The following TTBK2 variants were observed in gnomAD, a reference collection of about 807,000 sequenced individuals.
TTBK2 encodes the protein tau-tubulin kinase 2.
TTBK2 carries 28 observed loss-of-function variants against 110.8 expected under a neutral mutation model. The ratio of observed to expected loss-of-function variants is 0.25; its 90% CI spans 0.19 to 0.35. TTBK2 has a LOEUF of 0.35. TTBK2 is among the 10% of genes least tolerant of loss of function. The pLI is 1.00. For missense variants in TTBK2, 1,369 were observed against 1,500.3 expected, an observed-to-expected ratio of 0.91 and a Z score of 1.45; for synonymous variants, 532 against 527.3, an observed-to-expected ratio of 1.01 and a Z score of -0.12.
At chr15:42,878,414 C>T in intron 2 of TTBK2, 135 bp downstream of exon 2, 1 of 1,502,148 alleles carries the variant, frequency 6.7e-7, no homozygotes, top group Non-Finnish European at 8.9e-7. Context: ...CTGCTTTAGG[C>T]ATATAAGTAA....
Position 42,741,258 on chromosome 15 carries a change from G to T in TTBK2, c.*4537C>A, listed in dbSNP as rs934203162. On this transcript the variant is annotated 3_prime_UTR_variant, in exon 15 of 15. Coordinates refer to ENST00000267890, the MANE Select transcript of TTBK2 (RefSeq NM_173500.4). ...GTAGGATGTCCCAACACCCTCTGAG[G>T]GTTTTCATGCATTAATCCCGCCATA... The T allele has an allele frequency of 6.6e-6, 1 of 152,198 alleles. No individual in the cohort carries two copies. The highest frequency in any genetic ancestry group is 1.5e-5 in the Non-Finnish European group (1 of 68,042). 9.4% of individuals were successfully genotyped at this position (152,198 alleles called of 1,614,324 possible).
At position 42,840,369 on chromosome 15, in the gene TTBK2, C is replaced by T; in HGVS notation, c.282G>A (p.Met94Ile). The T allele has an allele frequency of 6.2e-7, 1 of 1,613,914 alleles. No homozygotes were observed. The highest frequency in any genetic ancestry group is 8.5e-7 in the Non-Finnish European group (1 of 1,179,850). ...TTTCAAGGTAACCTACCTGCAACTG[C>T]ATGACCACATAGTTGAATCGATCAT... ...GRNDRFNYVV[M>I]QLQGRNLADL... Residue 94 changes from methionine to isoleucine, a missense_variant, in exon 4 of 15, where the codon ATG (methionine) becomes ATA (isoleucine). This residue lies in a region of TTBK2 where 122 missense variants were observed against 159.7 expected (regional missense o/e 0.76). Coordinates refer to ENST00000267890, the MANE Select transcript of TTBK2 (RefSeq NM_173500.4).
At chr15:42,861,757 C>A (rs1266797028) in intron 3 of TTBK2, among the ~76,000 whole-genome samples, 2 of 151,578 alleles carry the variant, frequency 1.3e-5, no homozygotes, top group East Asian at 3.9e-4. Flanking sequence ...AAGAATTGAA[C>A]AAAATTGAGA....
chr15:42,802,237 G>A (rs1402034696), intron 9 of TTBK2: 4 of 852,208 alleles, frequency 4.7e-6, no homozygotes, highest in Admixed American at 1.7e-5. Flanking sequence ...GCCTCCACTG[G>A]CCCCACCATA....
intron 3 of TTBK2, among the ~76,000 whole-genome samples, chr15:42,852,923 A>G (rs1313973060): frequency 6.6e-6 from 1 of 152,218 alleles, no homozygotes; most frequent in Non-Finnish European, 1.5e-5. Context: ...AAGGGTAAGG[A>G]TGTATCCCTA....
intron 1 of TTBK2, among the ~76,000 whole-genome samples, chr15:42,897,309 A>G (rs1326347692): frequency 2.0e-5 from 3 of 152,204 alleles, no homozygotes; most frequent in Non-Finnish European, 4.4e-5. Context: ...ATTATGTAAC[A>G]GAGATCTATA....
At chr15:42,860,894 C>A (rs1477875698) in intron 3 of TTBK2, among the ~76,000 whole-genome samples, 1 of 151,974 alleles carries the variant, frequency 6.6e-6, no homozygotes, top group Middle Eastern at 3.2e-3. Flanking sequence ...GGTGATCCAC[C>A]CACCTCAGCC....
intron 4 of TTBK2, among the ~76,000 whole-genome samples, chr15:42,836,077 C>G (rs1273740408): frequency 1.3e-5 from 2 of 151,888 alleles, no homozygotes; most frequent in African/African-American, 4.8e-5. Context: ...TTTGGTTATA[C>G]TAAAGATGCT....
chr15:42,888,095 G>A (rs1223091146), intron 1 of TTBK2, among the ~76,000 whole-genome samples: 4 of 152,066 alleles, frequency 2.6e-5, no homozygotes, highest in Non-Finnish European at 5.9e-5. Flanking sequence ...TGACCTTACT[G>A]TTTTAGCCTA....
At chr15:42,778,140 T>A (rs956317814) in intron 11 of TTBK2, among the ~76,000 whole-genome samples, 2 of 152,120 alleles carry the variant, frequency 1.3e-5, no homozygotes, top group Non-Finnish European at 2.9e-5. Flanking sequence ...GATATTGAAC[T>A]GGTTCCAATA....
chr15:42,894,997 G>A (rs2141173868), intron 1 of TTBK2, among the ~76,000 whole-genome samples: 1 of 152,200 alleles, frequency 6.6e-6, no homozygotes, highest in Admixed American at 6.6e-5. Flanking sequence ...AGAAGCATTT[G>A]ACAAAATTCA....
chr15:42,766,503 CTT>C (rs1158380359), intron 13 of TTBK2, among the ~76,000 whole-genome samples: 1 of 134,518 alleles, frequency 7.4e-6, no homozygotes, highest in African/African-American at 3.0e-5. Context: ...ATAAAACAGA[CTT>C]TAAACCAACA....
intron 13 of TTBK2, among the ~76,000 whole-genome samples, chr15:42,760,107 C>T (rs764138618): frequency 3.9e-5 from 6 of 151,942 alleles, no homozygotes; most frequent in African/African-American, 1.5e-4. Context: ...TTAAATGGGC[C>T]GGGTGTGGTG....
chr15:42,815,952 A>ATATATATATATATATATAT (rs1328435730), intron 7 of TTBK2, among the ~76,000 whole-genome samples: 1 of 33,416 alleles, frequency 3.0e-5, no homozygotes, highest in African/African-American at 2.0e-4. Context: ...ATATATTTAA[A>ATATATATATATATATATAT]AAAAAAATAT....
chr15:42,842,062 A>AATT (rs528492224), intron 3 of TTBK2, among the ~76,000 whole-genome samples: 1 of 152,096 alleles, frequency 6.6e-6, no homozygotes, highest in Non-Finnish European at 1.5e-5. Flanking sequence ...ATGAAACATT[A>AATT]ATTATTATTA....
intron 11 of TTBK2, among the ~76,000 whole-genome samples, chr15:42,782,623 T>C (rs1890225351): frequency 6.6e-6 from 1 of 152,342 alleles, no homozygotes; most frequent in South Asian, 2.1e-4. Context: ...AGCTTAATGC[T>C]TTATCCAGAT....
In TTBK2 at chr15:42,775,120, A is replaced by T. The variant is rs749272471; in HGVS notation, c.1998+15T>A. ...AGTGGATAACAGAGAATAATAATAA[A>T]AACAAATTTCTTACCGCTGTAAGGG... On this transcript the variant is annotated intron_variant, in intron 13 of 14. Coordinates refer to ENST00000267890, the MANE Select transcript of TTBK2 (RefSeq NM_173500.4). The T allele has an allele frequency of 4.3e-6, 7 of 1,610,040 alleles. No homozygotes were observed. In the Admixed American group the frequency reaches 6.7e-5, roughly 15 times the overall value.
At position 42,763,175 on chromosome 15, in the gene TTBK2, T is replaced by TAC. The variant is rs1595886746; in HGVS notation, c.1999-9929_1999-9928insGT. The stretch of plus-strand genomic sequence containing the variant: ...ATATATACATATATATATATATATA[T>TAC]ATATATATATATATATATTTTTTTT... On this transcript the variant is annotated intron_variant, in intron 13 of 14. Transcript: ENST00000267890. Among the ~76,000 whole-genome samples, 14 of 19,086 alleles carry TAC rather than the reference T, an allele frequency of 7.3e-4. No individual in the cohort carries two copies. The South Asian group carries it at 0.014, about 20-fold the overall frequency. The allele number at this position is 19,086 out of a possible 152,430, so 12.5% of individuals were successfully genotyped here. A position where few individuals can be genotyped will look rare whatever the true frequency, so the allele number is the denominator to read the frequency against.
chr15:42,853,806 G>A (rs555235615), intron 3 of TTBK2, among the ~76,000 whole-genome samples: 1 of 152,192 alleles, frequency 6.6e-6, no homozygotes, highest in East Asian at 1.9e-4. Context: ...ACTTGAACCT[G>A]GGAGGTGGAG....
Sources: gnomAD v4.1 joint callset for allele counts (sites outside exome capture counted in the v4.1 genomes callset) on GRCh38, gnomAD v4.1.1 for gene constraint, gnomAD v4.1.1 regional missense constraint, MANE v1.5 for transcripts, NCBI Gene and HGNC (gene_info 2026-07-23, HGNC 2026-07-21) for gene names.